Variants in GLIS3 observed in about 807,000 individuals in gnomAD.
The protein encoded by GLIS3 is GLIS family zinc finger 3.
In GLIS3, 53 loss-of-function variants were observed where a neutral mutation model predicts 78.6. That is an observed-to-expected ratio of 0.67 (90% confidence interval 0.54 to 0.85). The LOEUF (loss-of-function observed/expected upper bound fraction) is 0.85. GLIS3 is among the 40% of genes least tolerant of loss of function. The pLI, the probability that GLIS3 is intolerant of heterozygous loss-of-function variation, is 0.00. For synonymous variants in GLIS3, 684 were observed against 509.9 expected (o/e 1.34, Z -4.60); for missense variants, 1,703 against 1,231.1 (o/e 1.38, Z -5.74).
At chr9:4,254,370 G>A (rs947294045) in intron 2 of GLIS3, among the ~76,000 whole-genome samples, 1 of 152,162 alleles carries the variant, frequency 6.6e-6, no homozygotes, top group Non-Finnish European at 1.5e-5. Context: ...GAGAAATACA[G>A]AATTTTTTAA....
chr9:4,284,614 A>C (rs1827827330), intron 2 of GLIS3, among the ~76,000 whole-genome samples: 1 of 152,086 alleles, frequency 6.6e-6, no homozygotes, highest in Non-Finnish European at 1.5e-5. Flanking sequence ...AGAAGAAGAA[A>C]AATAAATAAA....
intron 2 of GLIS3, chr9:4,152,184 G>A (rs983927324): frequency 3.4e-5 from 32 of 928,250 alleles, no homozygotes; most frequent in Non-Finnish European, 4.0e-5. Flanking sequence ...CATAAAGGAT[G>A]TGTGAGCCTC....
intron 7 of GLIS3, among the ~76,000 whole-genome samples, chr9:3,883,222 A>G (rs892612840): frequency 6.6e-6 from 1 of 152,218 alleles, no homozygotes; most frequent in African/African-American, 2.4e-5. Flanking sequence ...ATTTCTGACC[A>G]TATCACAGTC....
At chr9:4,326,398 C>T (rs1206031142) in intron 2 of GLIS3, among the ~76,000 whole-genome samples, 1 of 152,156 alleles carries the variant, frequency 6.6e-6, no homozygotes, top group Non-Finnish European at 1.5e-5. Context: ...AATGCGGACA[C>T]ATGCTACAAC....
At chr9:4,383,733 T>G in the GLIS3 span, among the ~76,000 whole-genome samples, 1 of 152,360 alleles carries the variant, frequency 6.6e-6, no homozygotes, top group East Asian at 1.9e-4. Flanking sequence ...CATCTCCATT[T>G]GAACATTTAC....
chr9:3,999,267 T>C (rs1317339587), intron 4 of GLIS3, among the ~76,000 whole-genome samples: 1 of 152,156 alleles, frequency 6.6e-6, no homozygotes, highest in Non-Finnish European at 1.5e-5. Context: ...TTCATATTTG[T>C]AGAGGTGTTT....
chr9:4,207,970 G>C (rs1048758336), intron 2 of GLIS3, among the ~76,000 whole-genome samples: 2 of 152,170 alleles, frequency 1.3e-5, no homozygotes, highest in Admixed American at 1.3e-4. Flanking sequence ...CCACGTTGGG[G>C]GTAGCGGTGT....
the GLIS3 span, among the ~76,000 whole-genome samples, chr9:4,412,398 A>G: frequency 6.6e-6 from 1 of 152,212 alleles, no homozygotes; most frequent in Non-Finnish European, 1.5e-5. Flanking sequence ...AAAAGCATCC[A>G]AATCATTAAT....
intron 9 of GLIS3, among the ~76,000 whole-genome samples, chr9:3,850,337 C>A (rs1588083283): frequency 6.6e-6 from 1 of 152,322 alleles, no homozygotes; most frequent in Admixed American, 6.5e-5. Context: ...GTGCTCATTT[C>A]AAATGTTATT....
chr9:3,942,719 G>A (rs1436222288), intron 4 of GLIS3, among the ~76,000 whole-genome samples: 1 of 152,212 alleles, frequency 6.6e-6, no homozygotes, highest in Non-Finnish European at 1.5e-5. Flanking sequence ...CCTCAGCAGG[G>A]CTGGGTGGGA....
At chr9:4,114,790 G>A (rs1831505641) in intron 4 of GLIS3, among the ~76,000 whole-genome samples, 1 of 150,734 alleles carries the variant, frequency 6.6e-6, no homozygotes. Flanking sequence ...GCAGCTGGTT[G>A]GGCTTTCCAC....
chr9:4,482,792 G>A, the GLIS3 span, among the ~76,000 whole-genome samples: 151 of 152,014 alleles, frequency 9.9e-4, 2 homozygotes, highest in Admixed American at 2.8e-3. Flanking sequence ...TTTTAAAAAG[G>A]GAAAAAAATA....
chr9:4,288,075 A>C (rs1372958391), intron 1 of GLIS3, among the ~76,000 whole-genome samples: 1 of 152,184 alleles, frequency 6.6e-6, no homozygotes, highest in African/African-American at 2.4e-5. Flanking sequence ...AGCAGGAGTG[A>C]CCAGATAACC....
At chr9:4,065,638 A>T (rs1322505252) in intron 4 of GLIS3, among the ~76,000 whole-genome samples, 1 of 152,220 alleles carries the variant, frequency 6.6e-6, no homozygotes, top group Non-Finnish European at 1.5e-5. Context: ...GCCAGAAAAA[A>T]AATAAGTAGC....
the GLIS3 span, among the ~76,000 whole-genome samples, chr9:4,416,233 G>T: frequency 8.7e-6 from 1 of 114,966 alleles, no homozygotes; most frequent in Non-Finnish European, 1.6e-5. Context: ...GCCTGAGTGA[G>T]AGAGTGAGAC....
chr9:4,263,490 A>C (rs1308487267), intron 2 of GLIS3, among the ~76,000 whole-genome samples: 1 of 141,466 alleles, frequency 7.1e-6, no homozygotes, highest in East Asian at 2.0e-4. Context: ...AAAGTCTAAG[A>C]CAAGCAAAGA....
chr9:4,201,564 A>G (rs1249866762), intron 2 of GLIS3, among the ~76,000 whole-genome samples: 2 of 152,228 alleles, frequency 1.3e-5, no homozygotes, highest in Non-Finnish European at 2.9e-5. Flanking sequence ...AGCCTAATTA[A>G]GAACAAAATC....
At chr9:4,141,480 C>T (rs1833810380) in intron 2 of GLIS3, among the ~76,000 whole-genome samples, 1 of 152,178 alleles carries the variant, frequency 6.6e-6, no homozygotes, top group African/African-American at 2.4e-5. Context: ...GAACCAAGAA[C>T]ACAGAAAAGC....
At chr9:3,923,501 C>A (rs1188230115) in intron 6 of GLIS3, among the ~76,000 whole-genome samples, 1 of 151,714 alleles carries the variant, frequency 6.6e-6, no homozygotes, top group Non-Finnish European at 1.5e-5. Flanking sequence ...GAGAATTTCA[C>A]AGACATCAGC....
Sources: allele counts gnomAD v4.1 joint callset (sites outside exome capture counted in the v4.1 genomes callset), GRCh38; gene constraint gnomAD v4.1.1; transcripts MANE v1.5; gene names NCBI Gene and HGNC (gene_info 2026-07-23, HGNC 2026-07-21).